KRCC1: variants seen among roughly 807,000 people sequenced by gnomAD.
The protein encoded by KRCC1 is lysine-rich coiled-coil protein 1.
In KRCC1, 3 loss-of-function variants were observed where a neutral mutation model predicts 7.4. The observed-to-expected ratio is 0.40, with a 90% CI of 0.18 to 1.04. The LOEUF (loss-of-function observed/expected upper bound fraction) is 1.04, where lower values mean the gene tolerates loss of function less well. Among genes scored for constraint, KRCC1 ranks in the 50% least tolerant of loss-of-function variants. The probability of loss-of-function intolerance (pLI) is 0.33; values close to 1 mark genes in which losing one functional copy is unlikely to be tolerated. For missense variants in KRCC1, 277 were observed against 300.9 expected (o/e 0.92, Z 0.59); for synonymous variants, 102 against 101.6 (o/e 1.00, Z -0.02).
At position 88,028,047 on chromosome 2, in the gene KRCC1, C is replaced by T; in HGVS notation, c.517G>A (p.Glu173Lys). 1.2e-6 allele frequency: 2 copies of T among 1,614,088 alleles called. No individual in the cohort carries two copies. The highest frequency in any genetic ancestry group is 2.2e-5 in the South Asian group (2 of 91,066). ...TTTCTCTTATGCTTAGACCGCTCCT[C>T]CTCTGATTTTTCTCTGCCTTCCTCT... Reference protein sequence around the residue: ...HPEEGREKSEEERSKHKRKKS... With the variant: ...HPEEGREKSEKERSKHKRKKS... The change falls in exon 4 of 4, where the codon GAG becomes AAG. Residue 173 changes from glutamate (E) to lysine (K), a missense_variant. Transcript: ENST00000347055.
At chr2:88,040,168 C>T (rs1673178254) in intron 1 of KRCC1, among the ~76,000 whole-genome samples, 1 of 152,146 alleles carries the variant, frequency 6.6e-6, no homozygotes, top group African/African-American at 2.4e-5. Context: ...CCAGGCATTT[C>T]TAAAAGGCAA....
intron 1 of KRCC1, among the ~76,000 whole-genome samples, chr2:88,047,121 C>T (rs1673353771): frequency 1.3e-5 from 2 of 152,216 alleles, no homozygotes; most frequent in Non-Finnish European, 2.9e-5. Flanking sequence ...TACTAGGAAT[C>T]ATTCTACTTT....
chr2:88,028,607 C>A, intron 3 of KRCC1, 22 bp from the exon 4 acceptor site: 47 of 1,070,784 alleles, frequency 4.4e-5, no homozygotes, highest in Non-Finnish European at 6.2e-5. Context: ...GGAGAAAATT[C>A]TTACCAGATC....
At chr2:88,033,752 T>C (rs952529505) in intron 3 of KRCC1, among the ~76,000 whole-genome samples, 1 of 152,226 alleles carries the variant, frequency 6.6e-6, no homozygotes, top group Non-Finnish European at 1.5e-5. Context: ...ATTCATTGTT[T>C]GCGGGAATGT....
At chr2:88,035,796 G>C (rs1673079783) in intron 2 of KRCC1, among the ~76,000 whole-genome samples, 1 of 152,112 alleles carries the variant, frequency 6.6e-6, no homozygotes, top group African/African-American at 2.4e-5. Flanking sequence ...TGAAACTCAA[G>C]TTATCACAGA....
intron 3 of KRCC1, among the ~76,000 whole-genome samples, chr2:88,032,094 A>T (rs575202164): frequency 6.6e-6 from 1 of 152,240 alleles, no homozygotes; most frequent in Admixed American, 6.5e-5. Flanking sequence ...ATAAGCCGAG[A>T]TCGCGCCACT....
At chr2:88,029,780 T>C (rs1438169304) in intron 3 of KRCC1, among the ~76,000 whole-genome samples, 1 of 150,020 alleles carries the variant, frequency 6.7e-6, no homozygotes, top group Non-Finnish European at 1.5e-5. Context: ...CCTGAATAAA[T>C]ACAAATATAG....
At chr2:88,039,845 C>T (rs982493768) in intron 1 of KRCC1, among the ~76,000 whole-genome samples, 1 of 152,052 alleles carries the variant, frequency 6.6e-6, no homozygotes, top group African/African-American at 2.4e-5. Context: ...CAAAAACTGA[C>T]ATGGTGATGT....
rs1673016932 is a variant in KRCC1 at position 88,032,627 on chromosome 2, A to T, written c.-23+1507T>A. On this transcript the variant is annotated intron_variant, in intron 3 of 3. Coordinates refer to ENST00000347055, the MANE Select transcript of KRCC1 (RefSeq NM_016618.3). ...GAATGTTCATATAGTTTTATTTGTG[A>T]TAGCCCCAGAAAGAAAAGAAACTCA... Among the ~76,000 whole-genome samples, 4 of 152,340 alleles carry T rather than the reference A, an allele frequency of 2.6e-5. No individual in the cohort carries two copies. The South Asian group carries it at 8.3e-4, about 32-fold the overall frequency.
chr2:88,042,511 G>A (rs1316770181), intron 1 of KRCC1, among the ~76,000 whole-genome samples: 3 of 145,504 alleles, frequency 2.1e-5, no homozygotes, highest in Admixed American at 7.1e-5. Context: ...CTTAACTCCC[G>A]GGCTCAAGTG....
chr2:88,051,601 GAA>G (rs1410521378), intron 1 of KRCC1, among the ~76,000 whole-genome samples: 1 of 152,190 alleles, frequency 6.6e-6, no homozygotes, highest in Non-Finnish European at 1.5e-5. Flanking sequence ...AAATTTTAAT[GAA>G]AGATATTTAC....
chr2:88,028,622 T>C, intron 3 of KRCC1, 37 bp from the exon 4 acceptor site: 1 of 1,174,706 alleles, frequency 8.5e-7, no homozygotes, highest in Non-Finnish European at 1.2e-6. Flanking sequence ...CAGATCATCT[T>C]GTCCTGAGCA....
chr2:88,042,221 C>G (rs1374272097), intron 1 of KRCC1, among the ~76,000 whole-genome samples: 1 of 151,994 alleles, frequency 6.6e-6, no homozygotes, highest in Non-Finnish European at 1.5e-5. Flanking sequence ...CCACCACACC[C>G]GGCTAATTTT....
rs777135192 is a variant in KRCC1 at position 88,028,295 on chromosome 2, G to A, written c.269C>T (p.Pro90Leu). 3 of 1,614,180 alleles carry A rather than the reference G, an allele frequency of 1.9e-6. No homozygotes were observed. Among genetic ancestry groups the A allele is most frequent in the East Asian group, 4.5e-5 (2 of 44,874 alleles). The change falls in exon 4 of 4, where the codon CCA (proline) becomes CTA (leucine). Residue 90 changes from proline to leucine, a missense_variant. Coordinates refer to ENST00000347055, the MANE Select transcript of KRCC1 (RefSeq NM_016618.3). ...TAGTCTCAATCTGCTGTCATGGGCT[G>A]GTAACCACTGAGGCAACCGATTTTC... The part of the protein sequence containing the change: ...TVENRLPQWL[P>L]AHDSRLRLDS...
chr2:88,027,655 T>A lies in KRCC1; in HGVS notation c.*129A>T. On this transcript the variant is annotated 3_prime_UTR_variant, in exon 4 of 4. Transcript: ENST00000347055. ...GAGAGCAAGCATGCTAAACACTTTG[T>A]TTACTAGGCCTTTGTTAGAAGTTAA... The A allele has an allele frequency of 1.4e-6, 1 of 729,392 alleles. No homozygotes were observed. Among genetic ancestry groups the A allele is most frequent in the Non-Finnish European group, 2.2e-6 (1 of 456,850 alleles). 45.2% of individuals were successfully genotyped at this position (729,392 alleles called of 1,614,324 possible).
At chr2:88,048,476 T>TA (rs779174468) in intron 1 of KRCC1, among the ~76,000 whole-genome samples, 7 of 152,152 alleles carry the variant, frequency 4.6e-5, no homozygotes, top group African/African-American at 9.7e-5. Context: ...ATAGTATTTT[T>TA]AAAAAAATGT....
intron 1 of KRCC1, among the ~76,000 whole-genome samples, chr2:88,046,923 C>T (rs1316602547): frequency 1.3e-5 from 2 of 152,170 alleles, no homozygotes; most frequent in African/African-American, 2.4e-5. Flanking sequence ...ATCCACCTGC[C>T]TCAGCCTCCC....
chr2:88,040,346 A>G (rs1255186785), intron 1 of KRCC1, among the ~76,000 whole-genome samples: 1 of 152,010 alleles, frequency 6.6e-6, no homozygotes, highest in Non-Finnish European at 1.5e-5. Context: ...CTATTCTTTC[A>G]TTTTTCAATA....
At position 88,028,462 on chromosome 2, in the gene KRCC1, T is replaced by C; in HGVS notation, c.102A>G (p.Arg34=). Residue 34 remains arginine (R), a synonymous_variant, in exon 4 of 4, where the codon AGA becomes AGG. Coordinates refer to ENST00000347055, the MANE Select transcript of KRCC1 (RefSeq NM_016618.3). ...ARGLEPKTCF[R]KMKGDYLETC... ...TTTCCAAATAGTCCCCTTTCATCTTTCTGAAACAAGTCTTTGGCTCTAAGC... is the reference window on the plus strand; with the variant it reads ...TTTCCAAATAGTCCCCTTTCATCTTCCTGAAACAAGTCTTTGGCTCTAAGC... 1 of 1,614,080 alleles carries C rather than the reference T, an allele frequency of 6.2e-7. No homozygotes were observed. The highest frequency in any genetic ancestry group is 8.5e-7 in the Non-Finnish European group (1 of 1,179,966).
Sources: gnomAD v4.1 joint callset for allele counts (sites outside exome capture counted in the v4.1 genomes callset) on GRCh38, gnomAD v4.1.1 for gene constraint, MANE v1.5 for transcripts, NCBI Gene and HGNC (gene_info 2026-07-23, HGNC 2026-07-21) for gene names.